The following MCOLN2 variants were observed in gnomAD, a reference collection of about 807,000 sequenced individuals.
MCOLN2 encodes the protein mucolipin TRP cation channel 2, also known as mucolipin-2.
A neutral mutation model predicts 67.5 loss-of-function variants in MCOLN2; 57 were observed. The ratio of observed to expected loss-of-function variants is 0.84; its 90% CI spans 0.68 to 1.05. MCOLN2 has a LOEUF of 1.05. Ranked by LOEUF, MCOLN2 falls within the 50% of genes least tolerant of loss-of-function variation. The pLI, the probability that MCOLN2 is intolerant of heterozygous loss-of-function variation, is 0.00. For missense variants in MCOLN2, 620 were observed against 678.8 expected (o/e 0.91, Z 0.96); for synonymous variants, 246 against 233.3 (o/e 1.05, Z -0.50).
At position 84,951,066 on chromosome 1, in the gene MCOLN2, C is replaced by G. The variant is rs1480660016; in HGVS notation, c.747+1177G>C. 2.0e-5 allele frequency among the ~76,000 whole-genome samples: 3 copies of G among 152,302 alleles called. No homozygotes were observed. The East Asian group carries it at 5.8e-4, about 29-fold the overall frequency. On this transcript the variant is annotated intron_variant, in intron 6 of 13. Coordinates refer to ENST00000370608, the MANE Select transcript of MCOLN2 (RefSeq NM_153259.4). The stretch of plus-strand genomic sequence containing the variant: ...TTTCTCCTCATCCCTGCAGATGCTC[C>G]CAGTGCTCCTCTGGCCCACCCACCC...
intron 1 of MCOLN2, among the ~76,000 whole-genome samples, chr1:84,974,226 C>T (rs1306008695): frequency 6.6e-6 from 1 of 152,122 alleles, no homozygotes; most frequent in African/African-American, 2.4e-5. Context: ...GCCACAAGGA[C>T]TGCAACTCTA....
intron 2 of MCOLN2, among the ~76,000 whole-genome samples, chr1:84,961,790 G>A (rs950497519): frequency 3.3e-5 from 5 of 152,156 alleles, no homozygotes; most frequent in Admixed American, 3.3e-4. Flanking sequence ...GTCTGGCAAA[G>A]ATTGTGAATT....
intron 1 of MCOLN2, among the ~76,000 whole-genome samples, chr1:84,993,484 A>G (rs1650991432): frequency 6.6e-6 from 1 of 152,218 alleles, no homozygotes; most frequent in Non-Finnish European, 1.5e-5. Context: ...ACCTATTCCC[A>G]TGAATCATGA....
chr1:84,970,067 A>G (rs1187288509), intron 1 of MCOLN2, among the ~76,000 whole-genome samples: 1 of 152,222 alleles, frequency 6.6e-6, no homozygotes, highest in East Asian at 1.9e-4. Flanking sequence ...TGCCTGTAAG[A>G]AGCCCCTGTG....
intron 1 of MCOLN2, among the ~76,000 whole-genome samples, chr1:84,975,154 C>T (rs531423): frequency 0.49 from 74,730 of 151,994 alleles, 18,610 homozygotes; most frequent in East Asian, 0.64. Flanking sequence ...TTGGCTTTGC[C>T]GCCTGCTAAC....
intron 9 of MCOLN2, among the ~76,000 whole-genome samples, chr1:84,938,504 G>GGAAA (rs1647566993): frequency 7.9e-5 from 12 of 152,212 alleles, no homozygotes; most frequent in Admixed American, 7.9e-4. Flanking sequence ...CACAGCTGCA[G>GGAAA]CTCTGAGGAA....
chr1:84,930,200 C>T (rs1408856785), intron 12 of MCOLN2, among the ~76,000 whole-genome samples: 1 of 151,346 alleles, frequency 6.6e-6, no homozygotes, highest in African/African-American at 2.4e-5. Flanking sequence ...GAGTTGGAGG[C>T]TATAATGAGG....
At chr1:84,961,688 T>C (rs1429650758) in intron 2 of MCOLN2, among the ~76,000 whole-genome samples, 2 of 152,116 alleles carry the variant, frequency 1.3e-5, no homozygotes, top group Non-Finnish European at 2.9e-5. Flanking sequence ...TTAAAGGCAT[T>C]GACAGCAAAA....
rs1473853399 is a variant in MCOLN2, at chr1:84,931,373, C to T, written c.1531G>A (p.Asp511Asn). 1 of 1,556,318 alleles carries T rather than the reference C, an allele frequency of 6.4e-7. No individual in the cohort carries two copies. The highest frequency in any genetic ancestry group is 8.9e-7 in the Non-Finnish European group (1 of 1,128,596). The change falls in exon 12 of 14, where the codon GAC becomes AAC. Residue 511 changes from aspartate (D) to asparagine (N), a missense_variant. Transcript: ENST00000370608. ...TGATAATTACTTACCTTAATGGTGT[C>T]ATAAGAATCTGTAATAAGTGCAATA... ...LFIALITDSYDTIKKFQQNGF... is the reference protein window; with the variant it reads ...LFIALITDSYNTIKKFQQNGF...
Position 84,956,869 on chromosome 1 carries a change from C to T in MCOLN2, c.412-285G>A, listed in dbSNP as rs148377798. On this transcript the variant is annotated intron_variant, in intron 3 of 13. Transcript: ENST00000370608. ...GACCTCATCTACTCCAGTCCCTTGG[C>T]TCCAACCTGCAAAGCTGCACTGCCC... 1.2e-3 allele frequency among the ~76,000 whole-genome samples: 187 copies of T among 152,336 alleles called. 3 individuals carry two copies. The East Asian group carries it at 0.029, about 24-fold the overall frequency.
At chr1:84,947,193 A>T (rs1327331298) in intron 6 of MCOLN2, 61 bp from the exon 7 acceptor site, 6 of 867,752 alleles carry the variant, frequency 6.9e-6, no homozygotes, top group Non-Finnish European at 9.7e-6. Context: ...TGTTAGATCA[A>T]ATCTGCTTAA....
At chr1:84,969,529 C>A (rs547474362) in intron 1 of MCOLN2, among the ~76,000 whole-genome samples, 1 of 150,394 alleles carries the variant, frequency 6.6e-6, no homozygotes, top group Non-Finnish European at 1.5e-5. Context: ...CAATATGGCA[C>A]CACTGCACTC....
At chr1:84,982,821 G>A (rs1024631419) in intron 1 of MCOLN2, among the ~76,000 whole-genome samples, 1 of 152,150 alleles carries the variant, frequency 6.6e-6, no homozygotes, top group African/African-American at 2.4e-5. Context: ...TCCTGCCTCA[G>A]CCTCCAGAGT....
At chr1:84,987,518 A>ATG in intron 1 of MCOLN2, among the ~76,000 whole-genome samples, 1 of 12,074 alleles carries the variant, frequency 8.3e-5, no homozygotes, top group African/African-American at 2.5e-4. Context: ...ATACATATGT[A>ATG]TATATGTATA....
At chr1:84,986,262 C>T (rs6680422) in intron 1 of MCOLN2, among the ~76,000 whole-genome samples, 23,555 of 152,076 alleles carry the variant, frequency 0.15, 1,942 homozygotes, top group East Asian at 0.26. Flanking sequence ...AAAACTGGGC[C>T]GGGCGTGGTA....
Position 84,925,624 on chromosome 1 carries a change from A to G in MCOLN2, c.*1061T>C, listed in dbSNP as rs1661122720. 6.6e-6 allele frequency: 1 copy of G among 152,202 alleles called. No homozygotes were observed. Among genetic ancestry groups the G allele is most frequent in the South Asian group, 2.1e-4 (1 of 4,828 alleles). 9.4% of individuals were successfully genotyped at this position (152,202 alleles called of 1,614,324 possible). On this transcript the variant is annotated 3_prime_UTR_variant, in exon 14 of 14. Coordinates refer to ENST00000370608, the MANE Select transcript of MCOLN2 (RefSeq NM_153259.4). The stretch of plus-strand genomic sequence containing the variant: ...AATTTATTTAGAGAAAATATATCAT[A>G]TTTCTTTTCTAGACAAAGGTAAATA...
chr1:84,940,661 C>T (rs1647716446), intron 8 of MCOLN2, among the ~76,000 whole-genome samples: 1 of 152,230 alleles, frequency 6.6e-6, no homozygotes, highest in Non-Finnish European at 1.5e-5. Flanking sequence ...CAGTTTTAAG[C>T]AGGATAATTA....
At chr1:84,963,373 T>C (rs926551096) in intron 2 of MCOLN2, among the ~76,000 whole-genome samples, 3 of 152,214 alleles carry the variant, frequency 2.0e-5, no homozygotes, top group Non-Finnish European at 4.4e-5. Flanking sequence ...TTATTTTTCA[T>C]TAACTAAAGA....
intron 2 of MCOLN2, among the ~76,000 whole-genome samples, chr1:84,963,403 T>C (rs1340580877): frequency 1.3e-5 from 2 of 152,120 alleles, no homozygotes; most frequent in African/African-American, 4.8e-5. Flanking sequence ...AGAGAGAAGA[T>C]AGTGAGTATG....
Sources: gnomAD v4.1 joint callset for allele counts (sites outside exome capture counted in the v4.1 genomes callset) on GRCh38, gnomAD v4.1.1 for gene constraint, MANE v1.5 for transcripts, NCBI Gene and HGNC (gene_info 2026-07-23, HGNC 2026-07-21) for gene names.